MSRA: variants seen among roughly 807,000 people sequenced by gnomAD.
The protein encoded by MSRA is methionine sulfoxide reductase A, also known as mitochondrial peptide methionine sulfoxide reductase.
Under a neutral mutation model 31.3 loss-of-function variants are expected in MSRA, and 54 were observed. That is an observed-to-expected ratio of 1.73 (90% CI 1.39 to 2.17). MSRA has a LOEUF of 2.17. Among genes scored for constraint, MSRA ranks in the 30% most tolerant of loss-of-function variants. The probability of loss-of-function intolerance (pLI) is 0.00; values close to 1 mark genes in which losing one functional copy is unlikely to be tolerated. For synonymous variants in MSRA, 169 were observed against 116.5 expected, an observed-to-expected ratio of 1.45 and a Z score of -2.90; for missense variants, 507 against 300.9, an observed-to-expected ratio of 1.69 and a Z score of -5.07.
rs73662814 is a variant in MSRA, at chr8:10,279,579, T to C, written c.332-21955T>C. 9.1e-3 allele frequency among the ~76,000 whole-genome samples: 1,388 copies of C among 152,264 alleles called. 24 individuals carry two copies. The highest frequency in any genetic ancestry group is 0.031 in the African/African-American group (1,308 of 41,546). ...TCTCCCGTTATATCAAAAACTTTTT[T>C]CCCCATATGCATCCCCACCCCTAGC... On this transcript the variant is annotated intron_variant, in intron 3 of 5. Coordinates refer to ENST00000317173, the MANE Select transcript of MSRA (RefSeq NM_012331.5).
chr8:10,252,252 G>C (rs1284113158), intron 3 of MSRA, among the ~76,000 whole-genome samples: 1 of 152,210 alleles, frequency 6.6e-6, no homozygotes, highest in African/African-American at 2.4e-5. Flanking sequence ...AGTGTGACTA[G>C]AACACCCAAA....
At chr8:10,324,764 A>G (rs546464572) in intron 5 of MSRA, among the ~76,000 whole-genome samples, 61 of 152,300 alleles carry the variant, frequency 4.0e-4, no homozygotes, top group African/African-American at 1.4e-3. Context: ...GGAGGAAAAG[A>G]AGGAAGACCC....
chr8:10,090,913 A>G (rs1236055548), intron 1 of MSRA, among the ~76,000 whole-genome samples: 2 of 152,216 alleles, frequency 1.3e-5, no homozygotes, highest in Admixed American at 6.5e-5. Flanking sequence ...TAGCCCAACA[A>G]CATTGTATCC....
At chr8:10,101,526 C>T (rs964305020) in intron 1 of MSRA, among the ~76,000 whole-genome samples, 1 of 152,116 alleles carries the variant, frequency 6.6e-6, no homozygotes, top group South Asian at 2.1e-4. Flanking sequence ...CAATAACTTT[C>T]TATTCTTCCC....
At chr8:10,126,723 A>G (rs934873803) in intron 1 of MSRA, among the ~76,000 whole-genome samples, 8 of 152,222 alleles carry the variant, frequency 5.3e-5, no homozygotes, top group African/African-American at 1.2e-4. Context: ...CATGTTGGCC[A>G]GGCTGGTCTC....
intron 5 of MSRA, among the ~76,000 whole-genome samples, chr8:10,408,486 G>C (rs565237784): frequency 1.3e-5 from 2 of 152,136 alleles, no homozygotes. Flanking sequence ...CCTGCAGTGA[G>C]CTGTGAGCAT....
intron 5 of MSRA, among the ~76,000 whole-genome samples, chr8:10,356,406 C>A (rs1039900742): frequency 6.6e-6 from 1 of 152,222 alleles, no homozygotes. Context: ...AAGAGCCTCT[C>A]CTCCATCTGC....
intron 5 of MSRA, among the ~76,000 whole-genome samples, chr8:10,369,282 G>A (rs1277565098): frequency 6.7e-6 from 1 of 150,358 alleles, no homozygotes; most frequent in Non-Finnish European, 1.5e-5. Flanking sequence ...GAAATTATCT[G>A]TCTCCTCAGC....
chr8:10,221,388 C>A (rs999663615), intron 2 of MSRA, among the ~76,000 whole-genome samples: 1 of 151,606 alleles, frequency 6.6e-6, no homozygotes, highest in African/African-American at 2.4e-5. Context: ...CCAGCTTTTC[C>A]ATGTCTATAT....
intron 1 of MSRA, among the ~76,000 whole-genome samples, chr8:10,137,878 A>G (rs17151185): frequency 0.044 from 6,694 of 152,288 alleles, 216 homozygotes; most frequent in Middle Eastern, 0.095. Context: ...GCATGTTTTT[A>G]TACATTGTTT....
chr8:10,163,603 C>G (rs906151382), intron 1 of MSRA, among the ~76,000 whole-genome samples: 1 of 152,198 alleles, frequency 6.6e-6, no homozygotes, highest in African/African-American at 2.4e-5. Context: ...CAGCACATGT[C>G]TGGAAGATGC....
intron 5 of MSRA, among the ~76,000 whole-genome samples, chr8:10,340,597 T>G (rs1369497709): frequency 6.6e-6 from 1 of 152,232 alleles, no homozygotes; most frequent in African/African-American, 2.4e-5. Context: ...TGTTTTGAGT[T>G]CCTGGCCTCA....
intron 1 of MSRA, among the ~76,000 whole-genome samples, chr8:10,076,960 A>G (rs928332615): frequency 6.6e-6 from 1 of 151,304 alleles, no homozygotes. Context: ...TACGTAGGTA[A>G]TGGGTTGATA....
intron 1 of MSRA, among the ~76,000 whole-genome samples, chr8:10,117,156 G>A (rs1246261062): frequency 3.3e-5 from 5 of 152,146 alleles, no homozygotes; most frequent in Non-Finnish European, 4.4e-5. Flanking sequence ...AAACAGAGAC[G>A]CCTCTGTCAG....
intron 1 of MSRA, among the ~76,000 whole-genome samples, chr8:10,168,741 C>G (rs1805356319): frequency 6.6e-6 from 1 of 152,204 alleles, no homozygotes; most frequent in Non-Finnish European, 1.5e-5. Flanking sequence ...TTTGAGCTCT[C>G]ACAGCCCAGC....
intron 5 of MSRA, among the ~76,000 whole-genome samples, chr8:10,367,326 G>T (rs1019202966): frequency 6.6e-6 from 1 of 152,122 alleles, no homozygotes; most frequent in African/African-American, 2.4e-5. Flanking sequence ...TAATTCTTCT[G>T]CTTTATTAGT....
chr8:10,349,217 A>G (rs1803974467), intron 5 of MSRA, among the ~76,000 whole-genome samples: 1 of 152,238 alleles, frequency 6.6e-6, no homozygotes, highest in African/African-American at 2.4e-5. Flanking sequence ...TGCTCTGGGT[A>G]GCATCAACAT....
In MSRA at chr8:10,089,387, A is replaced by G. The variant is rs537694997; in HGVS notation, c.142+34729A>G. On this transcript the variant is annotated intron_variant, in intron 1 of 5. Transcript: ENST00000317173. ...TTCACCTCCTCTTTGAGCTTGAATC[A>G]AAAGGTTTTGAGGCCACCAGTAAAT... 5.3e-5 allele frequency among the ~76,000 whole-genome samples: 8 copies of G among 152,318 alleles called. No individual in the cohort carries two copies. In the South Asian group the frequency reaches 1.7e-3, roughly 32 times the overall value.
intron 3 of MSRA, among the ~76,000 whole-genome samples, chr8:10,248,382 C>A (rs569086112): frequency 6.6e-6 from 1 of 152,150 alleles, no homozygotes; most frequent in East Asian, 1.9e-4. Flanking sequence ...GAGGGGTTAA[C>A]AGAATCCACA....
Sources: gnomAD v4.1 joint callset for allele counts (sites outside exome capture counted in the v4.1 genomes callset) on GRCh38, gnomAD v4.1.1 for gene constraint, MANE v1.5 for transcripts, NCBI Gene and HGNC (gene_info 2026-07-23, HGNC 2026-07-21) for gene names.